The following HYDIN variants were observed in gnomAD, a reference collection of about 807,000 sequenced individuals.
HYDIN encodes HYDIN axonemal central pair apparatus protein, also known as axonemal central pair apparatus protein HYDIN.
HYDIN carries 132 observed loss-of-function variants against 403.9 expected under a neutral mutation model. The observed-to-expected ratio is 0.33, with a 90% CI of 0.28 to 0.38. The LOEUF is 0.38. HYDIN is among the 10% of genes least tolerant of loss of function. The pLI is 1.00. For missense variants in HYDIN, 2,827 were observed against 5,009.5 expected (o/e 0.56, Z 13.15); for synonymous variants, 1,202 against 1,891.7 (o/e 0.64, Z 9.46).
At chr16:71,037,689 C>T (rs1426466766) in intron 18 of HYDIN, among the ~76,000 whole-genome samples, 3 of 152,080 alleles carry the variant, frequency 2.0e-5, no homozygotes, top group African/African-American at 4.8e-5. Context: ...AGTCCCTGAC[C>T]GAGGGCCACC....
intron 55 of HYDIN, among the ~76,000 whole-genome samples, chr16:70,893,175 C>A (rs8056750): frequency 6.6e-6 from 1 of 152,068 alleles, no homozygotes; most frequent in African/African-American, 2.4e-5. Flanking sequence ...TGCTTCCCTG[C>A]GCATTCTTTC....
intron 54 of HYDIN, 89 bp downstream of exon 54, chr16:70,895,892 T>A: frequency 5.5e-6 from 8 of 1,466,774 alleles, no homozygotes; most frequent in South Asian, 2.9e-5. Flanking sequence ...CCTGCAATAC[T>A]AACAACACAC....
intron 12 of HYDIN, among the ~76,000 whole-genome samples, chr16:71,084,225 T>C (rs1207764025): frequency 6.6e-6 from 1 of 151,514 alleles, no homozygotes; most frequent in Non-Finnish European, 1.5e-5. Flanking sequence ...GTGAAGGTTG[T>C]CTTTTCACTT....
At chr16:70,895,606 T>C (rs2076178531) in intron 54 of HYDIN, among the ~76,000 whole-genome samples, 1 of 148,610 alleles carries the variant, frequency 6.7e-6, no homozygotes, top group Admixed American at 6.7e-5. Flanking sequence ...GAGACCCATT[T>C]TGCACTTGTG....
At chr16:71,222,060 A>T (rs1196678097) in intron 1 of HYDIN, among the ~76,000 whole-genome samples, 2 of 152,178 alleles carry the variant, frequency 1.3e-5, no homozygotes, top group African/African-American at 4.8e-5. Context: ...ATCTTCTACC[A>T]CATGGCTCCA....
At chr16:71,148,480 A>G (rs2085406811) in intron 7 of HYDIN, among the ~76,000 whole-genome samples, 1 of 152,176 alleles carries the variant, frequency 6.6e-6, no homozygotes, top group South Asian at 2.1e-4. Flanking sequence ...CAAAATCCAA[A>G]ATCATCTACA....
At chr16:70,984,563 G>C (rs1271628579) in intron 28 of HYDIN, among the ~76,000 whole-genome samples, 3 of 150,886 alleles carry the variant, frequency 2.0e-5, no homozygotes, top group Non-Finnish European at 2.9e-5. Flanking sequence ...GAGACCAGCA[G>C]TAAACCCAAA....
At chr16:70,864,051 C>A (rs1363909163) in intron 67 of HYDIN, among the ~76,000 whole-genome samples, 1 of 151,858 alleles carries the variant, frequency 6.6e-6, no homozygotes, top group Non-Finnish European at 1.5e-5. Context: ...AAGAACAGGG[C>A]TGGGTGCGGT....
At chr16:70,970,878 T>C (rs926459186) in intron 35 of HYDIN, 119 bp from the exon 36 acceptor site, 2 of 872,812 alleles carry the variant, frequency 2.3e-6, no homozygotes, top group Non-Finnish European at 3.5e-6. Flanking sequence ...AAACTTATTA[T>C]AAAATTGCAT....
At chr16:70,871,073 AT>A (rs2040066402) in intron 65 of HYDIN, among the ~76,000 whole-genome samples, 1 of 152,022 alleles carries the variant, frequency 6.6e-6, no homozygotes, top group Non-Finnish European at 1.5e-5. Flanking sequence ...GCCTTATAGC[AT>A]TGTTCAGAGG....
chr16:70,989,857 T>A (rs1178629791), intron 25 of HYDIN, among the ~76,000 whole-genome samples: 1 of 152,206 alleles, frequency 6.6e-6, no homozygotes, highest in Non-Finnish European at 1.5e-5. Flanking sequence ...ATCCTGAGGA[T>A]ATGACGATGA....
chr16:70,927,853 C>T lies in HYDIN; in HGVS notation c.7159-6636G>A, dbSNP rs61482142. Among the ~76,000 whole-genome samples, 4 of 151,638 alleles carry T rather than the reference C, an allele frequency of 2.6e-5. No homozygotes were observed. The South Asian group carries it at 6.2e-4, about 24-fold the overall frequency. On this transcript the variant is annotated intron_variant, in intron 45 of 85. Transcript: ENST00000393567. ...AGAAAAATGGCTGGCAACCTAGAGG[C>T]CTGCCTAGAAAAAAACACCCTTGAA...
chr16:71,139,336 C>T (rs1179314972), intron 7 of HYDIN, among the ~76,000 whole-genome samples: 1 of 152,026 alleles, frequency 6.6e-6, no homozygotes, highest in East Asian at 1.9e-4. Flanking sequence ...TTAAAAAGCA[C>T]ATAACCAAAA....
chr16:71,048,730 G>A (rs1410673788), intron 18 of HYDIN, among the ~76,000 whole-genome samples: 1 of 152,182 alleles, frequency 6.6e-6, no homozygotes, highest in Admixed American at 6.5e-5. Flanking sequence ...GGTGGAGGGT[G>A]GAAGGAGAGA....
chr16:71,222,173 T>C (rs747227725), intron 1 of HYDIN, among the ~76,000 whole-genome samples: 1 of 152,178 alleles, frequency 6.6e-6, no homozygotes, highest in Non-Finnish European at 1.5e-5. Context: ...AATGCAGGGA[T>C]GGTTTAATAT....
At chr16:70,884,220 A>G in intron 58 of HYDIN, 96 bp from the exon 59 acceptor site, 4 of 1,141,142 alleles carry the variant, frequency 3.5e-6, no homozygotes, top group Non-Finnish European at 4.9e-6. Context: ...AGGGGGAGGG[A>G]CACGTGGGGC....
intron 50 of HYDIN, among the ~76,000 whole-genome samples, chr16:70,906,026 G>A (rs1345002366): frequency 6.6e-6 from 1 of 151,922 alleles, no homozygotes; most frequent in Non-Finnish European, 1.5e-5. Flanking sequence ...CACCGAGAAA[G>A]CCCAGAAATT....
At position 70,803,393 on chromosome 16, in the gene HYDIN, C is replaced by G. The variant is rs3897885; in HGVS notation, c.*4187G>C. Among the ~76,000 whole-genome samples, 5,856 of 152,274 alleles carry G rather than the reference C, an allele frequency of 0.038. 362 individuals carry two copies. The highest frequency in any genetic ancestry group is 0.13 in the African/African-American group (5,402 of 41,528). Reference sequence around the variant, plus strand: ...AATAAAGCCCAAAGGCTACCCTTGCCTTCCACCCTTGTTCCTCTTCTCTGA... The same window carrying G: ...AATAAAGCCCAAAGGCTACCCTTGCGTTCCACCCTTGTTCCTCTTCTCTGA... On this transcript the variant is annotated 3_prime_UTR_variant, in exon 86 of 86. Transcript: ENST00000393567.
chr16:71,028,239 A>G (rs2080782785), intron 19 of HYDIN, among the ~76,000 whole-genome samples: 1 of 152,122 alleles, frequency 6.6e-6, no homozygotes, highest in South Asian at 2.1e-4. Flanking sequence ...AGCTGTGCTG[A>G]GAAAATTACT....
Sources: gnomAD v4.1 joint callset for allele counts (sites outside exome capture counted in the v4.1 genomes callset) on GRCh38, gnomAD v4.1.1 for gene constraint, MANE v1.5 for transcripts, NCBI Gene and HGNC (gene_info 2026-07-23, HGNC 2026-07-21) for gene names.